CRYBG2: variants seen among roughly 807,000 people sequenced by gnomAD.
The protein encoded by CRYBG2 is crystallin beta-gamma domain containing 2.
Under a neutral mutation model 153.4 loss-of-function variants are expected in CRYBG2, and 106 were observed. The ratio of observed to expected loss-of-function variants is 0.69; its 90% CI spans 0.59 to 0.81. The LOEUF (loss-of-function observed/expected upper bound fraction) is 0.81, where lower values mean the gene tolerates loss of function less well. CRYBG2 is among the 30% of genes least tolerant of loss of function. CRYBG2 has a pLI of 0.00. For missense variants in CRYBG2, 1,996 were observed against 2,112.0 expected (o/e 0.95, Z 1.08); for synonymous variants, 851 against 877.8 (o/e 0.97, Z 0.54).
chr1:26,324,186 A>G lies in CRYBG2; in HGVS notation c.4703T>C (p.Ile1568Thr), dbSNP rs1464464760. 6.2e-7 allele frequency: 1 copy of G among 1,613,692 alleles called. No individual in the cohort carries two copies. ...VADPQAGGSC[I>T]WYYEDGLLKN... ...CAGCAGCCCATCCTCGTAGTACCAG[A>G]TGCAGCTACCTCCAGCTTGGGGGTC... The change falls in exon 18 of 20, where the codon ATC becomes ACC. Residue 1568 changes from isoleucine (I) to threonine (T), a missense_variant. Coordinates refer to ENST00000308182, the MANE Select transcript of CRYBG2 (RefSeq NM_001039775.4).
rs1377195476 is a variant in CRYBG2, at chr1:26,324,303, AC to A, written c.4585del (p.Val1529PhefsTer23). 4.4e-6 allele frequency: 7 copies of A among 1,605,276 alleles called. No homozygotes were observed. The highest frequency in any genetic ancestry group is 5.1e-6 in the Non-Finnish European group (6 of 1,178,444). On this transcript the variant is annotated frameshift_variant, in exon 18 of 20. Coordinates refer to ENST00000308182, the MANE Select transcript of CRYBG2 (RefSeq NM_001039775.4). LOFTEE classifies it high-confidence loss of function. The part of the protein sequence containing the change: ...GSLYPIKQRR[V>X]YFRLWNAALG... ...TGCTGCATTCCAGAGGCGGAAATAA[AC>A]CCGGCGCTGGTGGCAGAAAGAGGCT...
rs781701826 is a variant in CRYBG2 at position 26,336,713 on chromosome 1, C to T, written c.3931G>A (p.Val1311Met). ...LSGVWVAYQE[V>M]GFSGEQYVLE... ...ACGTACTGTTCCCCGGAGAAGCCCA[C>T]CTCCTGGTAGGCCACCCACCTGCAG... The change falls in exon 12 of 20, where the codon GTG becomes ATG. Residue 1311 changes from valine (V) to methionine (M), a missense_variant. Physicochemically the swap from Val to Met is conservative, Grantham distance 21. Coordinates refer to ENST00000308182, the MANE Select transcript of CRYBG2 (RefSeq NM_001039775.4). The surrounding 1 kb of genome is among the most constrained non-coding windows in gnomAD (Gnocchi z 4.9). 3 of 1,579,538 alleles carry T rather than the reference C, an allele frequency of 1.9e-6. No individual in the cohort carries two copies. The highest frequency in any genetic ancestry group is 2.6e-6 in the Non-Finnish European group (3 of 1,162,432).
chr1:26,325,709 G>T lies in CRYBG2; in HGVS notation c.4579-1399C>A, dbSNP rs1260084460. 6.6e-6 allele frequency among the ~76,000 whole-genome samples: 1 copy of T among 151,794 alleles called. No homozygotes were observed. The highest frequency in any genetic ancestry group is 1.5e-5 in the Non-Finnish European group (1 of 67,956). ...TGAGCACAGAAATACCCTCAGATGG[G>T]AACATGCATGCACACACACATACAC... is the stretch of plus-strand genomic sequence containing the variant. On this transcript the variant is annotated intron_variant, in intron 17 of 19. Transcript: ENST00000308182. This position sits in a 1 kb window ranked among gnomAD's most constrained non-coding sequence, Gnocchi z 4.1.
intron 14 of CRYBG2, among the ~76,000 whole-genome samples, chr1:26,335,119 CAAAA>C (rs34582852): frequency 2.7e-5 from 4 of 146,832 alleles, no homozygotes; most frequent in Non-Finnish European, 3.0e-5. Flanking sequence ...AGATTTGGAG[CAAAA>C]AAAAAAAAAA....
rs2074300579 is a variant in CRYBG2 at position 26,352,796 on chromosome 1, T to G, written c.-56+1240A>C. ...TCCAAGGTAGCCTCCTCCACCCCCCTTCCCTCTCTCTGCAGCCCTTGTCCC... is the reference window on the plus strand; with the variant it reads ...TCCAAGGTAGCCTCCTCCACCCCCCGTCCCTCTCTCTGCAGCCCTTGTCCC... On this transcript the variant is annotated intron_variant, in intron 1 of 19. Coordinates refer to ENST00000308182, the MANE Select transcript of CRYBG2 (RefSeq NM_001039775.4). Among the ~76,000 whole-genome samples the G allele has an allele frequency of 7.5e-5, 7 of 93,704 alleles. No individual in the cohort carries two copies. In the East Asian group the frequency reaches 1.0e-3, roughly 13 times the overall value. 61.5% of individuals were successfully genotyped at this position (93,704 alleles called of 152,430 possible). A position where few individuals can be genotyped will look rare whatever the true frequency, so the allele number is the denominator to read the frequency against.
chr1:26,330,035 C>A (rs1472788206), intron 15 of CRYBG2, among the ~76,000 whole-genome samples: 1 of 152,174 alleles, frequency 6.6e-6, no homozygotes, highest in African/African-American at 2.4e-5. Flanking sequence ...ACGCCCGGCC[C>A]AAAGTGCTAG....
intron 6 of CRYBG2, 29 bp downstream of exon 6, chr1:26,339,261 G>A (rs1229183334): frequency 1.2e-6 from 2 of 1,600,700 alleles, no homozygotes; most frequent in Non-Finnish European, 1.7e-6. Context: ...AATGTCAAAT[G>A]AGGGGATTCT....
In CRYBG2 at chr1:26,344,688, G is replaced by A. The variant is rs189568975; in HGVS notation, c.1970C>T (p.Pro657Leu). The A allele has an allele frequency of 1.6e-4, 252 of 1,532,716 alleles. No individual in the cohort carries two copies. In the African/African-American group the frequency reaches 2.7e-3, roughly 17 times the overall value. 94.9% of individuals were successfully genotyped at this position (1,532,716 alleles called of 1,614,324 possible). A position where few individuals can be genotyped will look rare whatever the true frequency, so the allele number is the denominator to read the frequency against. ...AVQGIAGSLA[P>L]PLTKEETVQG... ...AACAGTCTCTTCCTTGGTGAGGGGC[G>A]GGGCAAGGCTGCCTGCAATACCCTG... is the stretch of plus-strand genomic sequence containing the variant. The change falls in exon 2 of 20, where the codon CCG (proline) becomes CTG (leucine). Residue 657 changes from proline (P) to leucine (L), a missense_variant. By Grantham distance (98) the Pro-to-Leu change is moderately conservative. Coordinates refer to ENST00000308182, the MANE Select transcript of CRYBG2 (RefSeq NM_001039775.4).
chr1:26,350,015 A>G (rs1000611625), intron 1 of CRYBG2, among the ~76,000 whole-genome samples: 3 of 151,718 alleles, frequency 2.0e-5, no homozygotes, highest in Non-Finnish European at 4.4e-5. Flanking sequence ...GGGTTTCACT[A>G]TGTTGCCCAG....
chr1:26,351,060 C>T (rs1162240169), intron 1 of CRYBG2, among the ~76,000 whole-genome samples: 3 of 152,182 alleles, frequency 2.0e-5, no homozygotes, highest in Non-Finnish European at 4.4e-5. Flanking sequence ...GTGTCAGGGA[C>T]AGGGTCCAAG....
chr1:26,327,049 TG>T (rs2073934283), intron 17 of CRYBG2: 2 of 470,930 alleles, frequency 4.2e-6, no homozygotes, highest in Non-Finnish European at 8.5e-6. Context: ...AAAACTGGGC[TG>T]GGGCTGGGCA....
At chr1:26,333,739 A>C (rs2074024315) in intron 14 of CRYBG2, among the ~76,000 whole-genome samples, 1 of 152,208 alleles carries the variant, frequency 6.6e-6, no homozygotes, top group Non-Finnish European at 1.5e-5. Context: ...GTGAGAGAAT[A>C]AATTTCTCTT....
In CRYBG2 at chr1:26,328,794, C is replaced by T. The variant is rs143075306; in HGVS notation, c.4394G>A (p.Arg1465Gln). The T allele has an allele frequency of 6.2e-6, 10 of 1,614,098 alleles. No homozygotes were observed. The highest frequency in any genetic ancestry group is 2.7e-5 in the African/African-American group (2 of 75,020). The change falls in exon 16 of 20, where the codon CGG (arginine) becomes CAG (glutamine). Residue 1465 changes from arginine (R) to glutamine (Q), a missense_variant. Physicochemically the swap from Arg to Gln is conservative, Grantham distance 43 (BLOSUM62 1). Coordinates refer to ENST00000308182, the MANE Select transcript of CRYBG2 (RefSeq NM_001039775.4). Reference protein sequence around the residue: ...GKEIELSREVRSLQAEGFNNH... With the variant: ...GKEIELSREVQSLQAEGFNNH... ...GTTGAAGCCCTCGGCTTGCAGGCTCCGCACCTCCCTGCTGAGCTCGATCTC... is the reference window on the plus strand; with the variant it reads ...GTTGAAGCCCTCGGCTTGCAGGCTCTGCACCTCCCTGCTGAGCTCGATCTC...
chr1:26,334,788 T>C (rs2074035077), intron 14 of CRYBG2, among the ~76,000 whole-genome samples: 1 of 151,994 alleles, frequency 6.6e-6, no homozygotes, highest in Non-Finnish European at 1.5e-5. Context: ...CTGGGCGTGG[T>C]GGCGGGTGCC....
At chr1:26,328,519 G>T (rs1277344682) in intron 16 of CRYBG2, 187 bp from the exon 17 acceptor site, 2 of 1,148,098 alleles carry the variant, frequency 1.7e-6, no homozygotes, top group Non-Finnish European at 2.4e-6. Context: ...GGGTTTTCAG[G>T]GTAAAGAAGG....
At position 26,339,365 on chromosome 1, in the gene CRYBG2, A is replaced by G; in HGVS notation, c.3269T>C (p.Leu1090Pro). The G allele has an allele frequency of 1.2e-6, 2 of 1,614,228 alleles. No individual in the cohort carries two copies. The highest frequency in any genetic ancestry group is 3.3e-5 in the Admixed American group (2 of 60,030). ...EEGLKGEQVK[L>P]TEALKNSQGL... ...CTGGGAATTCTTCAAGGCCTCTGTT[A>G]GCTTCACTTGCTCCCCCTTGAGGCC... is the stretch of plus-strand genomic sequence containing the variant. The change falls in exon 6 of 20, where the codon CTA (leucine) becomes CCA (proline). Residue 1090 changes from leucine (L) to proline (P), a missense_variant. Physicochemically the swap from Leu to Pro is moderately conservative, Grantham distance 98. Coordinates refer to ENST00000308182, the MANE Select transcript of CRYBG2 (RefSeq NM_001039775.4).
chr1:26,323,919 A>G (rs1283709986), intron 18 of CRYBG2, among the ~76,000 whole-genome samples: 2 of 152,188 alleles, frequency 1.3e-5, no homozygotes, highest in Non-Finnish European at 1.5e-5. Context: ...TGTCATGGGC[A>G]TTAGAGCTGG....
intron 1 of CRYBG2, among the ~76,000 whole-genome samples, chr1:26,349,963 C>T (rs2074269613): frequency 6.6e-6 from 1 of 151,850 alleles, no homozygotes; most frequent in South Asian, 2.1e-4. Flanking sequence ...TACAAGCCTG[C>T]ACCGCTATGC....
Position 26,322,261 on chromosome 1 carries a change from C to T in CRYBG2, c.4800G>A (p.Leu1600=). 1 of 1,614,070 alleles carries T rather than the reference C, an allele frequency of 6.2e-7. No homozygotes were observed. The highest frequency in any genetic ancestry group is 2.2e-5 in the East Asian group (1 of 44,882). ...GGCGCGGCAGGCGGCTCTCGGCCCACAGCACCACCTTGGAGCCTGGGCTAG... is the reference window on the plus strand; with the variant it reads ...GGCGCGGCAGGCGGCTCTCGGCCCATAGCACCACCTTGGAGCCTGGGCTAG... The part of the protein sequence containing the change: ...GPPSPGSKVV[L]WAESRLPRQT... The change falls in exon 19 of 20, where the codon CTG becomes CTA. Residue 1600 remains leucine, a synonymous_variant. Coordinates refer to ENST00000308182, the MANE Select transcript of CRYBG2 (RefSeq NM_001039775.4).
Sources: gnomAD v4.1 joint callset for allele counts (sites outside exome capture counted in the v4.1 genomes callset) on GRCh38, gnomAD v4.1.1 for gene constraint, Gnocchi (gnomAD v3.1) non-coding constraint, MANE v1.5 for transcripts, NCBI Gene and HGNC (gene_info 2026-07-23, HGNC 2026-07-21) for gene names.